Variants in MAD1L1 observed in about 807,000 individuals in gnomAD.
MAD1L1 encodes mitotic spindle assembly checkpoint protein MAD1.
Under a neutral mutation model 96.9 loss-of-function variants are expected in MAD1L1, and 95 were observed. The observed-to-expected ratio is 0.98, with a 90% confidence interval of 0.83 to 1.16. MAD1L1 has a LOEUF of 1.16. MAD1L1 is among the 50% of genes most tolerant of loss of function. The pLI, the probability that MAD1L1 is intolerant of heterozygous loss-of-function variation, is 0.00. For missense variants in MAD1L1, 1,007 were observed against 954.4 expected, an observed-to-expected ratio of 1.06 and a Z score of -0.73; for synonymous variants, 473 against 396.6, an observed-to-expected ratio of 1.19 and a Z score of -2.29.
rs899705250 is a variant in MAD1L1, at chr7:2,074,804, G to A, written c.1074-5466C>T. On this transcript the variant is annotated intron_variant, in intron 11 of 18. Transcript: ENST00000265854. ...AGGCCATCAGCAAACCAGCAAGCAG[G>A]TGCCTCCTGACACTGGAGGGGAAAC... Among the ~76,000 whole-genome samples, 3 of 152,340 alleles carry A rather than the reference G, an allele frequency of 2.0e-5. No homozygotes were observed. The East Asian group carries it at 5.8e-4, about 29-fold the overall frequency.
At chr7:2,091,713 T>A (rs1355472328) in intron 11 of MAD1L1, among the ~76,000 whole-genome samples, 1 of 151,822 alleles carries the variant, frequency 6.6e-6, no homozygotes, top group Non-Finnish European at 1.5e-5. Context: ...GAGGCGGAGC[T>A]TGCAGTGAGC....
chr7:1,829,404 G>A (rs1277260106), intron 18 of MAD1L1: 3 of 152,292 alleles, frequency 2.0e-5, no homozygotes, highest in East Asian at 1.9e-4. Flanking sequence ...AGGACCAAGC[G>A]CGGCAGCCCA....
At chr7:1,898,470 G>T in intron 17 of MAD1L1, 80 bp from the exon 18 acceptor site, 2 of 1,285,920 alleles carry the variant, frequency 1.6e-6, no homozygotes, top group South Asian at 2.7e-5. Flanking sequence ...AGGGCAGGGA[G>T]GAAGCCGAGT....
chr7:1,878,156 C>G (rs748379611), intron 18 of MAD1L1, among the ~76,000 whole-genome samples: 1 of 152,126 alleles, frequency 6.6e-6, no homozygotes. Flanking sequence ...AGTTCTATAT[C>G]TATTAAATTA....
chr7:1,836,610 G>A (rs1384015781), intron 18 of MAD1L1, among the ~76,000 whole-genome samples: 1 of 152,170 alleles, frequency 6.6e-6, no homozygotes, highest in Non-Finnish European at 1.5e-5. Context: ...TAGATTAGAA[G>A]TTTCCATATT....
At chr7:2,018,294 C>T (rs1782633195) in intron 12 of MAD1L1, among the ~76,000 whole-genome samples, 1 of 152,246 alleles carries the variant, frequency 6.6e-6, no homozygotes, top group Admixed American at 6.5e-5. Flanking sequence ...GCCTCAGCCT[C>T]ACTGCGAAGT....
intron 18 of MAD1L1, among the ~76,000 whole-genome samples, chr7:1,836,959 G>A (rs538119742): frequency 1.3e-5 from 2 of 152,256 alleles, no homozygotes; most frequent in South Asian, 4.1e-4. Flanking sequence ...AATAAAAGAC[G>A]GGTAAGTTAG....
In MAD1L1 at chr7:2,001,865, G is replaced by A. The variant is rs939940; in HGVS notation, c.1416+200C>T. 3.9e-5 allele frequency among the ~76,000 whole-genome samples: 6 copies of A among 152,242 alleles called. No individual in the cohort carries two copies. Among genetic ancestry groups the A allele is most frequent in the African/African-American group, 7.2e-5 (3 of 41,468 alleles). On this transcript the variant is annotated intron_variant, in intron 14 of 18. Transcript: ENST00000265854. ...TGGGGCCCGAGGGGCTGTGCTCCCCGCCGGCGCATGCCACCTGTCACTAGT... is the reference window on the plus strand; with the variant it reads ...TGGGGCCCGAGGGGCTGTGCTCCCCACCGGCGCATGCCACCTGTCACTAGT...
intron 17 of MAD1L1, among the ~76,000 whole-genome samples, chr7:1,917,291 C>T (rs2128454132): frequency 6.6e-6 from 1 of 152,318 alleles, no homozygotes; most frequent in African/African-American, 2.4e-5. Context: ...AGCATGCAGA[C>T]CACCCAGCCC....
At chr7:2,002,690 G>A (rs1489168312) in intron 13 of MAD1L1, among the ~76,000 whole-genome samples, 1 of 152,160 alleles carries the variant, frequency 6.6e-6, no homozygotes, top group Non-Finnish European at 1.5e-5. Flanking sequence ...CCACACTAAG[G>A]GTAGAAAAGC....
At chr7:1,851,649 C>T (rs1050297010) in intron 18 of MAD1L1, among the ~76,000 whole-genome samples, 8 of 152,144 alleles carry the variant, frequency 5.3e-5, no homozygotes, top group African/African-American at 1.4e-4. Flanking sequence ...TTAGTGAAGG[C>T]GTGGCGAGGA....
intron 11 of MAD1L1, among the ~76,000 whole-genome samples, chr7:2,147,969 C>A (rs1789391421): frequency 6.6e-6 from 1 of 152,238 alleles, no homozygotes; most frequent in African/African-American, 2.4e-5. Context: ...CATTCTGTTT[C>A]ATTTCCAAAG....
Position 1,815,974 on chromosome 7 carries a change from G to C in MAD1L1, c.*96C>G. ...CATGCTGCTGCCCTGTGGGGCTGGAGAGGCAGGACGTGCACCCAGCCTGTG... is the reference window on the plus strand; with the variant it reads ...CATGCTGCTGCCCTGTGGGGCTGGACAGGCAGGACGTGCACCCAGCCTGTG... On this transcript the variant is annotated 3_prime_UTR_variant, in exon 19 of 19. Coordinates refer to ENST00000265854, the MANE Select transcript of MAD1L1 (RefSeq NM_001013836.2). The C allele has an allele frequency of 7.4e-7, 1 of 1,352,864 alleles. No homozygotes were observed. Among genetic ancestry groups the C allele is most frequent in the Non-Finnish European group, 9.9e-7 (1 of 1,005,664 alleles). The allele number at this position is 1,352,864 out of a possible 1,614,324, so 83.8% of individuals were successfully genotyped here.
At chr7:2,025,548 G>C (rs1782959836) in intron 12 of MAD1L1, among the ~76,000 whole-genome samples, 1 of 152,230 alleles carries the variant, frequency 6.6e-6, no homozygotes, top group Admixed American at 6.5e-5. Flanking sequence ...AAGGAAACAA[G>C]GGGTATTTTG....
At chr7:1,987,863 G>A (rs139906717) in intron 14 of MAD1L1, among the ~76,000 whole-genome samples, 1 of 152,280 alleles carries the variant, frequency 6.6e-6, no homozygotes, top group African/African-American at 2.4e-5. Flanking sequence ...CGTGACGACG[G>A]GGATACCACC....
chr7:2,078,956 G>T (rs1399876815), intron 11 of MAD1L1, among the ~76,000 whole-genome samples: 2 of 152,258 alleles, frequency 1.3e-5, no homozygotes, highest in African/African-American at 4.8e-5. Flanking sequence ...AGGGCTGGGG[G>T]GAGATGCCCC....
intron 10 of MAD1L1, among the ~76,000 whole-genome samples, chr7:2,159,078 A>C (rs1270058240): frequency 6.6e-6 from 1 of 152,168 alleles, no homozygotes; most frequent in Admixed American, 6.5e-5. Context: ...CTCTTACCCC[A>C]TGGAAAGGGA....
At chr7:1,932,346 C>T (rs1020282831) in intron 17 of MAD1L1, among the ~76,000 whole-genome samples, 6 of 151,772 alleles carry the variant, frequency 4.0e-5, no homozygotes, top group Non-Finnish European at 8.8e-5. Context: ...GTCTGCTCTG[C>T]GTGCCACAGC....
At chr7:2,007,771 G>A (rs910160854) in intron 13 of MAD1L1, among the ~76,000 whole-genome samples, 1 of 152,230 alleles carries the variant, frequency 6.6e-6, no homozygotes, top group Admixed American at 6.5e-5. Flanking sequence ...AGTCTGGCAC[G>A]CAGATATTCA....
Sources: gnomAD v4.1 joint callset for allele counts (sites outside exome capture counted in the v4.1 genomes callset) on GRCh38, gnomAD v4.1.1 for gene constraint, MANE v1.5 for transcripts, NCBI Gene and HGNC (gene_info 2026-07-23, HGNC 2026-07-21) for gene names.